COLGALT2: variants seen among roughly 807,000 people sequenced by gnomAD.
COLGALT2 encodes the protein procollagen galactosyltransferase 2.
A neutral mutation model predicts 73.4 loss-of-function variants in COLGALT2; 49 were observed. The ratio of observed to expected loss-of-function variants is 0.67; its 90% CI spans 0.53 to 0.85. COLGALT2 has a LOEUF of 0.85. COLGALT2 is among the 40% of genes least tolerant of loss of function. COLGALT2 has a pLI of 0.00. For missense variants in COLGALT2, 722 were observed against 790.2 expected (o/e 0.91, Z 1.03); for synonymous variants, 295 against 307.6 (o/e 0.96, Z 0.43).
At chr1:183,982,846 C>T (rs112515090) in intron 1 of COLGALT2, among the ~76,000 whole-genome samples, 2,016 of 152,296 alleles carry the variant, frequency 0.013, 42 homozygotes, top group African/African-American at 0.045. Flanking sequence ...CTACTTCTTT[C>T]CTTGGTTGTT....
chr1:184,025,771 A>C (rs1649313676), intron 1 of COLGALT2, among the ~76,000 whole-genome samples: 1 of 152,212 alleles, frequency 6.6e-6, no homozygotes, highest in Non-Finnish European at 1.5e-5. Flanking sequence ...ATAAAATACC[A>C]CGAGCTTCCT....
intron 1 of COLGALT2, among the ~76,000 whole-genome samples, chr1:183,981,268 A>G (rs1411921669): frequency 6.6e-6 from 1 of 152,196 alleles, no homozygotes; most frequent in Non-Finnish European, 1.5e-5. Flanking sequence ...GTTTTGAAAA[A>G]TGATCAGAGG....
At chr1:183,967,850 C>A (rs1670922961) in intron 5 of COLGALT2, among the ~76,000 whole-genome samples, 1 of 152,158 alleles carries the variant, frequency 6.6e-6, no homozygotes, top group Non-Finnish European at 1.5e-5. Context: ...GGAATCTTTA[C>A]AAAAATCTTC....
chr1:183,951,319 G>A (rs752513170), intron 7 of COLGALT2, among the ~76,000 whole-genome samples: 8 of 152,254 alleles, frequency 5.3e-5, no homozygotes, highest in African/African-American at 9.6e-5. Flanking sequence ...TCAACTCTTC[G>A]TAGTGACTTA....
At chr1:183,930,420 G>A (rs1669817524) in intron 11 of COLGALT2, 1 of 386,394 alleles carries the variant, frequency 2.6e-6, no homozygotes, top group East Asian at 7.3e-5. Flanking sequence ...TTTGGACAGG[G>A]TCTCACTCTG....
downstream of COLGALT2, among the ~76,000 whole-genome samples, chr1:183,935,033 G>C (rs927091374): frequency 6.6e-6 from 1 of 152,134 alleles, no homozygotes; most frequent in African/African-American, 2.4e-5. Flanking sequence ...TAACTCTTCT[G>C]CCCTACTGAG....
chr1:183,946,249 C>G (rs987379114), intron 8 of COLGALT2: 9 of 152,252 alleles, frequency 5.9e-5, no homozygotes, highest in African/African-American at 2.2e-4. Flanking sequence ...AACATTACAG[C>G]TGTTTGAGAA....
intron 8 of COLGALT2, chr1:183,946,379 C>G (rs949957711): frequency 6.6e-6 from 1 of 152,048 alleles, no homozygotes; most frequent in African/African-American, 2.4e-5. Context: ...CTAGAAGGCC[C>G]CAGGCATATT....
At chr1:183,972,702 T>C (rs1671075115) in intron 4 of COLGALT2, among the ~76,000 whole-genome samples, 2 of 151,714 alleles carry the variant, frequency 1.3e-5, no homozygotes, top group Admixed American at 1.3e-4. Context: ...GTACTTTTTT[T>C]TTTTTTTTCT....
At chr1:184,001,533 G>T (rs1036407195) in intron 1 of COLGALT2, among the ~76,000 whole-genome samples, 1 of 151,834 alleles carries the variant, frequency 6.6e-6, no homozygotes, top group African/African-American at 2.4e-5. Context: ...CCATCTTTTT[G>T]ACTTTATATA....
chr1:183,957,783 T>G (rs1482166004), intron 6 of COLGALT2, among the ~76,000 whole-genome samples: 2 of 150,214 alleles, frequency 1.3e-5, no homozygotes, highest in South Asian at 2.1e-4. Flanking sequence ...TGGTGGTTTT[T>G]TTTTTTTTTT....
intron 1 of COLGALT2, among the ~76,000 whole-genome samples, chr1:183,998,428 A>G (rs1267524958): frequency 1.3e-5 from 2 of 152,128 alleles, no homozygotes; most frequent in African/African-American, 4.8e-5. Context: ...TTGATTCTCA[A>G]TACTATTCCT....
chr1:183,952,112 C>A (rs1173844961), intron 7 of COLGALT2, among the ~76,000 whole-genome samples: 1 of 152,200 alleles, frequency 6.6e-6, no homozygotes, highest in Non-Finnish European at 1.5e-5. Context: ...CCTCACTATT[C>A]CCAGACTTAA....
At chr1:183,932,543 GCAC>G (rs762779794), downstream of COLGALT2, among the ~76,000 whole-genome samples, 1 of 152,126 alleles carries the variant, frequency 6.6e-6, no homozygotes, top group Non-Finnish European at 1.5e-5. Flanking sequence ...GTGTGGAACG[GCAC>G]CCTGCGAAAA....
intron 1 of COLGALT2, among the ~76,000 whole-genome samples, chr1:183,986,150 T>C (rs551170230): frequency 2.6e-5 from 4 of 152,318 alleles, no homozygotes; most frequent in African/African-American, 7.2e-5. Flanking sequence ...TCTTGGTTAC[T>C]GGGTAGAATT....
chr1:184,007,917 TTCA>T (rs1374557778), intron 1 of COLGALT2, among the ~76,000 whole-genome samples: 4 of 152,218 alleles, frequency 2.6e-5, no homozygotes, highest in African/African-American at 9.7e-5. Context: ...TAAACAAATA[TTCA>T]TCACCCCCCA....
At chr1:183,952,696 T>C (rs1489739926) in intron 7 of COLGALT2, among the ~76,000 whole-genome samples, 2 of 152,200 alleles carry the variant, frequency 1.3e-5, no homozygotes, top group Admixed American at 6.5e-5. Flanking sequence ...AGGAGCAAGA[T>C]ATTCCCTTTG....
intron 1 of COLGALT2, among the ~76,000 whole-genome samples, chr1:184,014,274 C>T (rs547653309): frequency 1.3e-5 from 2 of 152,248 alleles, no homozygotes; most frequent in African/African-American, 2.4e-5. Context: ...AAAGGGAAGA[C>T]AGCAAGGTAA....
At chr1:183,967,585 A>C (rs770810045) in intron 5 of COLGALT2, among the ~76,000 whole-genome samples, 28 of 152,220 alleles carry the variant, frequency 1.8e-4, no homozygotes, top group Non-Finnish European at 3.7e-4. Context: ...GTTTCATACA[A>C]TGTATCATAA....
Sources: gnomAD v4.1 joint callset for allele counts (sites outside exome capture counted in the v4.1 genomes callset) on GRCh38, gnomAD v4.1.1 for gene constraint, MANE v1.5 for transcripts, NCBI Gene and HGNC (gene_info 2026-07-23, HGNC 2026-07-21) for gene names.